The following PPFIA1 variants were observed in gnomAD, a reference collection of about 807,000 sequenced individuals.
PPFIA1 encodes the protein PPFI scaffold protein A1, also known as liprin-alpha-1.
PPFIA1 carries 25 observed loss-of-function variants against 149.9 expected under a neutral mutation model. That is an observed-to-expected ratio of 0.17 (90% CI 0.12 to 0.23). The LOEUF (loss-of-function observed/expected upper bound fraction) is 0.23. Among genes scored for constraint, PPFIA1 ranks in the 10% least tolerant of loss-of-function variants. PPFIA1 has a pLI of 1.00. For missense variants in PPFIA1, 1,362 were observed against 1,506.5 expected (o/e 0.90, Z 1.59); for synonymous variants, 549 against 552.8 (o/e 0.99, Z 0.10).
intron 16 of PPFIA1, among the ~76,000 whole-genome samples, chr11:70,351,767 G>C (rs1376632312): frequency 1.3e-5 from 2 of 152,192 alleles, no homozygotes; most frequent in Non-Finnish European, 2.9e-5. Flanking sequence ...ACAGTGCACA[G>C]TGCAGATTTG....
rs79118674 is a variant in PPFIA1 at position 70,288,521 on chromosome 11, T to G, written c.264+16085T>G. Among the ~76,000 whole-genome samples the G allele has an allele frequency of 7.4e-3, 1,134 of 152,304 alleles. 15 individuals are homozygous for G. Among genetic ancestry groups the G allele is most frequent in the African/African-American group, 0.024 (984 of 41,558 alleles). ...ACTTGTTCCTGGGAGACCGTCAACCTCATGGTTTTAGTGTCCATGGTGTTC... is the reference window on the plus strand; with the variant it reads ...ACTTGTTCCTGGGAGACCGTCAACCGCATGGTTTTAGTGTCCATGGTGTTC... On this transcript the variant is annotated intron_variant, in intron 2 of 27. Transcript: ENST00000253925.
chr11:70,297,313 G>A (rs750850224), intron 2 of PPFIA1, among the ~76,000 whole-genome samples: 8 of 152,100 alleles, frequency 5.3e-5, no homozygotes, highest in Non-Finnish European at 1.0e-4. Context: ...GGAGGCTGAG[G>A]CGAGCGGATC....
At chr11:70,305,728 A>G (rs1275493011) in intron 2 of PPFIA1, among the ~76,000 whole-genome samples, 1 of 152,156 alleles carries the variant, frequency 6.6e-6, no homozygotes, top group Non-Finnish European at 1.5e-5. Flanking sequence ...TGACTAATTT[A>G]CATTCTAAAG....
chr11:70,317,932 A>C (rs987404462), intron 2 of PPFIA1, among the ~76,000 whole-genome samples: 1 of 152,034 alleles, frequency 6.6e-6, no homozygotes, highest in Non-Finnish European at 1.5e-5. Context: ...CCGATATTCC[A>C]CCTTCCTGGG....
chr11:70,271,538 A>G (rs2050092227), intron 1 of PPFIA1, among the ~76,000 whole-genome samples: 2 of 151,764 alleles, frequency 1.3e-5, no homozygotes, highest in Admixed American at 6.6e-5. Context: ...TTCGGTTGTA[A>G]ACTTACGTAA....
At chr11:70,377,521 C>T (rs1321763978) in intron 25 of PPFIA1, among the ~76,000 whole-genome samples, 2 of 151,912 alleles carry the variant, frequency 1.3e-5, no homozygotes, top group Admixed American at 6.6e-5. Context: ...TGTAGAGCTG[C>T]GTGTGGTAGG....
chr11:70,288,310 T>A (rs1185398289), intron 2 of PPFIA1, among the ~76,000 whole-genome samples: 1 of 152,064 alleles, frequency 6.6e-6, no homozygotes, highest in Non-Finnish European at 1.5e-5. Context: ...GGTGTTGTGA[T>A]CTGCCCGCCT....
At chr11:70,357,631 C>T (rs184383846) in intron 19 of PPFIA1, among the ~76,000 whole-genome samples, 2 of 150,232 alleles carry the variant, frequency 1.3e-5, no homozygotes, top group Admixed American at 6.6e-5. Context: ...CTGTCACCCA[C>T]GCTGGAGTGC....
chr11:70,296,427 C>T (rs2052024213), intron 2 of PPFIA1, among the ~76,000 whole-genome samples: 1 of 152,208 alleles, frequency 6.6e-6, no homozygotes, highest in Non-Finnish European at 1.5e-5. Context: ...TGTCTGCAAT[C>T]CCAGCACCTC....
At chr11:70,273,960 C>T (rs1032892977) in intron 2 of PPFIA1, among the ~76,000 whole-genome samples, 3 of 152,164 alleles carry the variant, frequency 2.0e-5, no homozygotes, top group African/African-American at 7.2e-5. Flanking sequence ...TACAGTTAGT[C>T]GCAGGCTGTG....
rs562089817 is a variant in PPFIA1 at position 70,303,924 on chromosome 11, T to C, written c.265-20478T>C. 1.8e-4 allele frequency among the ~76,000 whole-genome samples: 27 copies of C among 152,278 alleles called. No homozygotes were observed. In the South Asian group the frequency reaches 5.6e-3, roughly 32 times the overall value. On this transcript the variant is annotated intron_variant, in intron 2 of 27. Transcript: ENST00000253925. ...CGGAGGCTGAGGCAGGAGAATCACT[T>C]GAACCCAGGAGGCGGAGGTTGCGGT...
chr11:70,286,962 T>C (rs113456351), intron 2 of PPFIA1, among the ~76,000 whole-genome samples: 3,899 of 147,662 alleles, frequency 0.026, 201 homozygotes, highest in African/African-American at 0.096. Context: ...ACTATATATA[T>C]ACATATACAC....
intron 15 of PPFIA1, among the ~76,000 whole-genome samples, chr11:70,344,529 G>A (rs541204890): frequency 4.6e-5 from 7 of 152,340 alleles, no homozygotes; most frequent in South Asian, 2.1e-4. Flanking sequence ...TGAAAGGAGC[G>A]CGTTGCTATC....
At chr11:70,308,352 A>G (rs2053014156) in intron 2 of PPFIA1, among the ~76,000 whole-genome samples, 1 of 152,200 alleles carries the variant, frequency 6.6e-6, no homozygotes, top group Non-Finnish European at 1.5e-5. Context: ...CTGGCCAGTG[A>G]TGGCTTTAGA....
intron 16 of PPFIA1, among the ~76,000 whole-genome samples, chr11:70,352,699 G>A (rs983336486): frequency 6.6e-6 from 1 of 151,060 alleles, no homozygotes; most frequent in Non-Finnish European, 1.5e-5. Flanking sequence ...AGTCTGGCAC[G>A]TGACAGCACT....
chr11:70,278,051 C>G (rs1303997381), intron 2 of PPFIA1, among the ~76,000 whole-genome samples: 1 of 151,926 alleles, frequency 6.6e-6, no homozygotes, highest in African/African-American at 2.4e-5. Flanking sequence ...GCTGGAACTA[C>G]AAGCACGTGC....
intron 2 of PPFIA1, among the ~76,000 whole-genome samples, chr11:70,294,545 T>A (rs1591086226): frequency 1.7e-5 from 1 of 59,032 alleles, no homozygotes; most frequent in South Asian, 4.9e-4. Context: ...GAATTTTCTT[T>A]CTTTTTTTTT....
chr11:70,292,409 G>A (rs2051596585), intron 2 of PPFIA1, among the ~76,000 whole-genome samples: 1 of 152,236 alleles, frequency 6.6e-6, no homozygotes. Context: ...AAGGAGAGCA[G>A]TAGGTTTGTG....
At chr11:70,282,184 C>T (rs1475089900) in intron 2 of PPFIA1, among the ~76,000 whole-genome samples, 7 of 152,174 alleles carry the variant, frequency 4.6e-5, no homozygotes, top group Non-Finnish European at 8.8e-5. Flanking sequence ...CTCCAATTCC[C>T]GTCTTGGCCA....
Sources: allele counts gnomAD v4.1 joint callset (sites outside exome capture counted in the v4.1 genomes callset), GRCh38; gene constraint gnomAD v4.1.1; transcripts MANE v1.5; gene names NCBI Gene and HGNC (gene_info 2026-07-23, HGNC 2026-07-21).